Variants in APCDD1L observed in about 807,000 individuals in gnomAD.
APCDD1L encodes the protein protein APCDD1-like.
APCDD1L carries 21 observed loss-of-function variants against 24.2 expected under a neutral mutation model. The observed-to-expected ratio is 0.87, with a 90% CI of 0.61 to 1.25. The LOEUF (loss-of-function observed/expected upper bound fraction) is 1.25, where lower values mean the gene tolerates loss of function less well. Among genes scored for constraint, APCDD1L ranks in the 50% most tolerant of loss-of-function variants. APCDD1L has a pLI of 0.00. For synonymous variants in APCDD1L, 321 were observed against 323.6 expected (o/e 0.99, Z 0.09); for missense variants, 704 against 711.7 (o/e 0.99, Z 0.12).
chr20:58,470,362 G>A (rs746288590), intron 2 of APCDD1L, among the ~76,000 whole-genome samples: 11 of 152,210 alleles, frequency 7.2e-5, no homozygotes, highest in African/African-American at 1.9e-4. Context: ...CACTTAGCTC[G>A]TAATAGGTTT....
Position 58,508,572 on chromosome 20 carries a change from C to T in APCDD1L, c.49+6087G>A, listed in dbSNP as rs545619916. On this transcript the variant is annotated intron_variant, in intron 1 of 3. Transcript: ENST00000371149. The surrounding 1 kb of genome is among the most constrained non-coding windows in gnomAD (Gnocchi z 4.0). Reference sequence around the variant, plus strand: ...TGAGGACAATGGAGCAGAGGACTGGCGGAGGGGAGGTGGCTGGGGAGGCCC... The same window carrying T: ...TGAGGACAATGGAGCAGAGGACTGGTGGAGGGGAGGTGGCTGGGGAGGCCC... Among the ~76,000 whole-genome samples, 41 of 152,118 alleles carry T rather than the reference C, an allele frequency of 2.7e-4. No homozygotes were observed. Among genetic ancestry groups the T allele is most frequent in the African/African-American group, 7.0e-4 (29 of 41,462 alleles).
At chr20:58,510,133 C>A (rs140217774) in intron 1 of APCDD1L, among the ~76,000 whole-genome samples, 2 of 152,188 alleles carry the variant, frequency 1.3e-5, no homozygotes, top group African/African-American at 2.4e-5. Flanking sequence ...GGGCTAGATA[C>A]CCCTAAAACT....
chr20:58,510,130 A>T (rs1288099104), intron 1 of APCDD1L, among the ~76,000 whole-genome samples: 1 of 152,210 alleles, frequency 6.6e-6, no homozygotes, highest in East Asian at 1.9e-4. Context: ...CCTGGGCTAG[A>T]TACCCCTAAA....
chr20:58,495,992 C>T (rs970821843), intron 1 of APCDD1L, among the ~76,000 whole-genome samples: 3 of 152,176 alleles, frequency 2.0e-5, no homozygotes, highest in African/African-American at 4.8e-5. Context: ...GCGGTGGCTG[C>T]GCTTGAGGCC....
chr20:58,499,313 T>C (rs1990385670), intron 1 of APCDD1L, among the ~76,000 whole-genome samples: 1 of 152,046 alleles, frequency 6.6e-6, no homozygotes, highest in African/African-American at 2.4e-5. Flanking sequence ...GACGGCCACA[T>C]GGCCAGCTAA....
At chr20:58,491,718 G>A (rs1990228629) in intron 1 of APCDD1L, among the ~76,000 whole-genome samples, 1 of 152,178 alleles carries the variant, frequency 6.6e-6, no homozygotes, top group African/African-American at 2.4e-5. Flanking sequence ...ATTTTTTTGG[G>A]ATCTTGAGAA....
At chr20:58,498,099 C>T (rs771055871) in intron 1 of APCDD1L, among the ~76,000 whole-genome samples, 2 of 152,100 alleles carry the variant, frequency 1.3e-5, no homozygotes, top group African/African-American at 2.4e-5. Context: ...CAGACTGAGG[C>T]GTTTTCATGC....
chr20:58,467,538 C>T lies in APCDD1L; in HGVS notation c.309G>A (p.Ser103=), dbSNP rs1235798444. The change falls in exon 3 of 4, where the codon TCG becomes TCA. Residue 103 remains serine (S), a synonymous_variant. Coordinates refer to ENST00000371149, the MANE Select transcript of APCDD1L (RefSeq NM_153360.3). This position sits in a 1 kb window ranked among gnomAD's most constrained non-coding sequence, Gnocchi z 5.9. ...EDPFCGEPAH[S]LLVKGKVRLR... ...GGCGGACTTTGCCCTTGACGAGCAGCGAGTGGGCAGGTTCCCCGCAGAAGG... is the reference window on the plus strand; with the variant it reads ...GGCGGACTTTGCCCTTGACGAGCAGTGAGTGGGCAGGTTCCCCGCAGAAGG... 1.9e-6 allele frequency: 3 copies of T among 1,588,242 alleles called. No homozygotes were observed. The highest frequency in any genetic ancestry group is 1.7e-6 in the Non-Finnish European group (2 of 1,167,566).
chr20:58,490,344 G>A lies in APCDD1L; in HGVS notation c.50-19597C>T, dbSNP rs369110178. The stretch of plus-strand genomic sequence containing the variant: ...CACATTTCACGCCTGTCTCTCCACT[G>A]CCCCATGGTTCTAGTGATTGGTGCT... On this transcript the variant is annotated intron_variant, in intron 1 of 3. Coordinates refer to ENST00000371149, the MANE Select transcript of APCDD1L (RefSeq NM_153360.3). Among the ~76,000 whole-genome samples the A allele has an allele frequency of 2.9e-4, 44 of 152,254 alleles. 1 individual carries two copies. Among genetic ancestry groups the A allele is most frequent in the African/African-American group, 1.0e-3 (43 of 41,552 alleles).
Position 58,461,607 on chromosome 20 carries a change from G to A in APCDD1L, c.742-53C>T. On this transcript the variant is annotated intron_variant, in intron 3 of 3. Transcript: ENST00000371149. This position sits in a 1 kb window ranked among gnomAD's most constrained non-coding sequence, Gnocchi z 6.0. ...GGTTGTCCCACATAGAGAAGTTGGGGTGCAGCCTGGAAAGGAACCCCAGCT... is the reference window on the plus strand; with the variant it reads ...GGTTGTCCCACATAGAGAAGTTGGGATGCAGCCTGGAAAGGAACCCCAGCT... 1.4e-6 allele frequency: 2 copies of A among 1,388,140 alleles called. No individual in the cohort carries two copies. Among genetic ancestry groups the A allele is most frequent in the Admixed American group, 3.1e-5 (1 of 32,462 alleles). The allele number at this position is 1,388,140 out of a possible 1,614,324, so 86.0% of individuals were successfully genotyped here.
At chr20:58,501,966 G>A (rs1990444747) in intron 1 of APCDD1L, among the ~76,000 whole-genome samples, 1 of 152,156 alleles carries the variant, frequency 6.6e-6, no homozygotes, top group Non-Finnish European at 1.5e-5. Flanking sequence ...TCTTAGGACT[G>A]GGCTGCAATG....
At chr20:58,482,637 A>T (rs1990044742) in intron 1 of APCDD1L, among the ~76,000 whole-genome samples, 1 of 152,160 alleles carries the variant, frequency 6.6e-6, no homozygotes, top group African/African-American at 2.4e-5. Flanking sequence ...CGATAACAAG[A>T]TGCACGTTTT....
At position 58,461,727 on chromosome 20, in the gene APCDD1L, A is replaced by G. The variant is rs570935070; in HGVS notation, c.742-173T>C. On this transcript the variant is annotated intron_variant, in intron 3 of 3. Transcript: ENST00000371149. This position sits in a 1 kb window ranked among gnomAD's most constrained non-coding sequence, Gnocchi z 6.0. ...TCAGTCAGGACGACCTCCTTGCTTC[A>G]GCCAGGATGGCCTCCTTGATGGAGG... is the stretch of plus-strand genomic sequence containing the variant. The G allele has an allele frequency of 1.3e-4, 83 of 619,898 alleles. No homozygotes were observed. The highest frequency in any genetic ancestry group is 1.9e-4 in the Non-Finnish European group (79 of 423,626). 38.4% of individuals were successfully genotyped at this position (619,898 alleles called of 1,614,324 possible). A position where few individuals can be genotyped will look rare whatever the true frequency, so the allele number is the denominator to read the frequency against.
At chr20:58,475,141 G>A (rs776081841) in intron 1 of APCDD1L, among the ~76,000 whole-genome samples, 3 of 152,252 alleles carry the variant, frequency 2.0e-5, no homozygotes, top group Non-Finnish European at 2.9e-5. Flanking sequence ...ATCAAAGAGA[G>A]AAGAGGGTGG....
intron 1 of APCDD1L, among the ~76,000 whole-genome samples, chr20:58,483,288 C>G (rs568848019): frequency 6.6e-6 from 1 of 152,114 alleles, no homozygotes; most frequent in South Asian, 2.1e-4. Context: ...CGGAGGGAGG[C>G]CTTGCTGCTG....
rs1555819803 is a variant in APCDD1L at position 58,463,904 on chromosome 20, G to GC, written c.742-2351_742-2350insG. 1.6e-5 allele frequency among the ~76,000 whole-genome samples: 2 copies of GC among 128,454 alleles called. 1 individual carries two copies. Among genetic ancestry groups the GC allele is most frequent in the South Asian group, 6.7e-4 (2 of 2,982 alleles). The allele number at this position is 128,454 out of a possible 152,430, so 84.3% of individuals were successfully genotyped here. On this transcript the variant is annotated intron_variant, in intron 3 of 3. Transcript: ENST00000371149. ...AGAACAGTTTTTTTTTGGGGGGGGG[G>GC]GGCGTCACATTTTATAAGCTGTTAT...
In APCDD1L at chr20:58,460,585, GGGCTGTGGGATGTGGTATA is replaced by G. The variant is rs1174895133; in HGVS notation, c.*186_*204del. The G allele has an allele frequency of 7.1e-5, 36 of 506,844 alleles. No homozygotes were observed. The highest frequency in any genetic ancestry group is 1.1e-4 in the Non-Finnish European group (35 of 316,600). The allele number at this position is 506,844 out of a possible 1,614,324, so 31.4% of individuals were successfully genotyped here. ...CATCCAAGTGCTTGACTGGGGACCC[GGGCTGTGGGATGTGGTATA>G]GGCTTTGCAGGGGTTAAGCTCATGT... On this transcript the variant is annotated 3_prime_UTR_variant, in exon 4 of 4. Transcript: ENST00000371149. The surrounding 1 kb of genome is among the most constrained non-coding windows in gnomAD (Gnocchi z 4.2).
At chr20:58,500,042 G>A (rs1239929349) in intron 1 of APCDD1L, among the ~76,000 whole-genome samples, 1 of 152,050 alleles carries the variant, frequency 6.6e-6, no homozygotes, top group Non-Finnish European at 1.5e-5. Context: ...TAGAGCTGGA[G>A]CCTAGAAAAA....
chr20:58,501,469 C>A (rs533263618), intron 1 of APCDD1L, among the ~76,000 whole-genome samples: 1 of 152,210 alleles, frequency 6.6e-6, no homozygotes, highest in Non-Finnish European at 1.5e-5. Flanking sequence ...AGCTAGAAGA[C>A]GGCCACCTAC....
Sources: allele counts gnomAD v4.1 joint callset (sites outside exome capture counted in the v4.1 genomes callset), GRCh38; gene constraint gnomAD v4.1.1; non-coding constraint Gnocchi (gnomAD v3.1); transcripts MANE v1.5; gene names NCBI Gene and HGNC (gene_info 2026-07-23, HGNC 2026-07-21).